The following TRAM1 variants were observed in gnomAD, a reference collection of about 807,000 sequenced individuals.
TRAM1 encodes the protein translocating chain-associated membrane protein 1.
In TRAM1, 17 loss-of-function variants were observed where a neutral mutation model predicts 48.7. The observed-to-expected ratio is 0.35, with a 90% CI of 0.24 to 0.52. The LOEUF is 0.52. Among genes scored for constraint, TRAM1 ranks in the 20% least tolerant of loss-of-function variants. The probability of loss-of-function intolerance (pLI) is 0.94; values close to 1 mark genes in which losing one functional copy is unlikely to be tolerated. For synonymous variants in TRAM1, 182 were observed against 154.0 expected (o/e 1.18, Z -1.34); for missense variants, 351 against 441.5 (o/e 0.79, Z 1.84).
At chr8:70,606,840 A>G in intron 1 of TRAM1, 1 of 960,720 alleles carries the variant, frequency 1.0e-6, no homozygotes, top group Non-Finnish European at 1.2e-6. Context: ...TTAAAAAAAA[A>G]AACAAATATG....
In TRAM1 at chr8:70,584,604, T is replaced by C. The variant is rs534895561; in HGVS notation, c.747-811A>G. ...GCAAAGTCTCAGGATACAAAATCGA[T>C]GTACAAAAATCACAAGCATTCTTAT... On this transcript the variant is annotated intron_variant, in intron 8 of 10. Transcript: ENST00000262213. 2.0e-5 allele frequency among the ~76,000 whole-genome samples: 3 copies of C among 152,330 alleles called. No individual in the cohort carries two copies. In the East Asian group the frequency reaches 5.8e-4, roughly 29 times the overall value.
chr8:70,575,481 C>T (rs557926068), intron 10 of TRAM1, among the ~76,000 whole-genome samples: 1 of 152,102 alleles, frequency 6.6e-6, no homozygotes, highest in South Asian at 2.1e-4. Flanking sequence ...TGTAGTGGCA[C>T]GATCATGGCT....
At chr8:70,583,063 T>G in intron 10 of TRAM1, 101 bp downstream of exon 10, 1 of 1,309,142 alleles carries the variant, frequency 7.6e-7, no homozygotes, top group South Asian at 1.6e-5. Context: ...GAATAGTATT[T>G]TCTTTATAAG....
intron 7 of TRAM1, 39 bp downstream of exon 7, chr8:70,587,067 C>A: frequency 6.2e-7 from 1 of 1,610,988 alleles, no homozygotes; most frequent in African/African-American, 1.3e-5. Flanking sequence ...ATACTATCTG[C>A]CCAGCCTACT....
At chr8:70,575,511 C>G (rs539920310) in intron 10 of TRAM1, among the ~76,000 whole-genome samples, 1 of 151,972 alleles carries the variant, frequency 6.6e-6, no homozygotes, top group African/African-American at 2.4e-5. Context: ...CTTGAACTCC[C>G]GGGGACCAGT....
At chr8:70,607,931 G>A (rs1207247148) in intron 1 of TRAM1, 146 bp downstream of exon 1, 15 of 1,013,690 alleles carry the variant, frequency 1.5e-5, no homozygotes, top group Non-Finnish European at 2.0e-5. Flanking sequence ...GGGCAGGGAA[G>A]GCCTGCACCT....
chr8:70,607,910 G>A, intron 1 of TRAM1, 167 bp downstream of exon 1: 6 of 779,486 alleles, frequency 7.7e-6, no homozygotes, highest in Non-Finnish European at 8.8e-6. Flanking sequence ...AGCTGCCGCC[G>A]ACGTGGGGCA....
intron 1 of TRAM1, among the ~76,000 whole-genome samples, chr8:70,604,788 T>A (rs1287323969): frequency 1.3e-5 from 2 of 152,200 alleles, no homozygotes; most frequent in Non-Finnish European, 2.9e-5. Context: ...CTTTTGAATA[T>A]CTTTCCTTTA....
intron 1 of TRAM1, 115 bp from the exon 2 acceptor site, chr8:70,600,197 G>A (rs936951511): frequency 1.4e-6 from 1 of 735,178 alleles, no homozygotes; most frequent in Non-Finnish European, 2.3e-6. Context: ...GGGCCTCCTC[G>A]TTCCTGTGGA....
intron 1 of TRAM1, among the ~76,000 whole-genome samples, chr8:70,602,380 G>A (rs1817622828): frequency 2.0e-5 from 3 of 152,128 alleles, no homozygotes; most frequent in Admixed American, 2.0e-4. Flanking sequence ...GAAGGCAACA[G>A]GGAAAAGGGA....
rs771530345 is a variant in TRAM1 at position 70,598,028 on chromosome 8, C to G, written c.310-17G>C. 2 of 1,550,878 alleles carry G rather than the reference C, an allele frequency of 1.3e-6. No individual in the cohort carries two copies. The highest frequency in any genetic ancestry group is 2.5e-5 in the South Asian group (2 of 78,692). On this transcript the variant is annotated splice_polypyrimidine_tract_variant and intron_variant, in intron 3 of 10. Coordinates refer to ENST00000262213, the MANE Select transcript of TRAM1 (RefSeq NM_014294.6). ...GTTAATTTTCTAAAAATAAAAACAGCCATTAGTAATTAAGAATAAATTATA... is the reference window on the plus strand; with the variant it reads ...GTTAATTTTCTAAAAATAAAAACAGGCATTAGTAATTAAGAATAAATTATA...
intron 2 of TRAM1, 105 bp downstream of exon 2, chr8:70,599,914 A>C: frequency 1.2e-6 from 1 of 808,372 alleles, no homozygotes; most frequent in Non-Finnish European, 2.1e-6. Flanking sequence ...CATGGATGAG[A>C]TCTCTGACGA....
intron 6 of TRAM1, chr8:70,587,423 C>T (rs1817248299): frequency 2.3e-6 from 1 of 426,108 alleles, no homozygotes; most frequent in Admixed American, 3.9e-5. Flanking sequence ...GCTCCCACCC[C>T]ACCGCAATCT....
chr8:70,606,758 CTG>C (rs1817728527), intron 1 of TRAM1: 1 of 353,046 alleles, frequency 2.8e-6, no homozygotes, highest in Middle Eastern at 1.5e-3. Flanking sequence ...TAAATAATAT[CTG>C]TATCTAGATC....
chr8:70,595,869 C>T (rs541627289), intron 5 of TRAM1, among the ~76,000 whole-genome samples: 4 of 152,058 alleles, frequency 2.6e-5, no homozygotes, highest in South Asian at 4.1e-4. Context: ...GAAACAATTC[C>T]TAACCTCAAG....
chr8:70,574,873 G>T lies in TRAM1; in HGVS notation c.*59C>A. ...CAAGAACAGAAAAATCTCTAATGCT[G>T]AAAGATATAGTAGAAAGCAGATTTC... On this transcript the variant is annotated 3_prime_UTR_variant, in exon 11 of 11. Transcript: ENST00000262213. 8.5e-7 allele frequency: 1 copy of T among 1,178,428 alleles called. No individual in the cohort carries two copies. Among genetic ancestry groups the T allele is most frequent in the Non-Finnish European group, 1.2e-6 (1 of 803,470 alleles). The allele number at this position is 1,178,428 out of a possible 1,614,324, so 73.0% of individuals were successfully genotyped here. A position where few individuals can be genotyped will look rare whatever the true frequency, so the allele number is the denominator to read the frequency against.
intron 8 of TRAM1, among the ~76,000 whole-genome samples, chr8:70,584,915 A>AT (rs1451100221): frequency 6.6e-6 from 1 of 152,220 alleles, no homozygotes; most frequent in Non-Finnish European, 1.5e-5. Context: ...TCTTCACAGA[A>AT]TTGGAAAAAA....
At chr8:70,585,040 C>G (rs2132029688) in intron 8 of TRAM1, among the ~76,000 whole-genome samples, 1 of 152,266 alleles carries the variant, frequency 6.6e-6, no homozygotes, top group South Asian at 2.1e-4. Context: ...TACTACAAGG[C>G]CACAGTAACC....
chr8:70,584,842 T>C (rs1817172362), intron 8 of TRAM1, among the ~76,000 whole-genome samples: 1 of 151,996 alleles, frequency 6.6e-6, no homozygotes, highest in Non-Finnish European at 1.5e-5. Flanking sequence ...ATCATGAAAA[T>C]GGTCATACTG....
Sources: gnomAD v4.1 joint callset for allele counts (sites outside exome capture counted in the v4.1 genomes callset) on GRCh38, gnomAD v4.1.1 for gene constraint, MANE v1.5 for transcripts, NCBI Gene and HGNC (gene_info 2026-07-23, HGNC 2026-07-21) for gene names.